Variants in NPAS3 observed in about 807,000 individuals in gnomAD.
The protein encoded by NPAS3 is neuronal PAS domain-containing protein 3.
A neutral mutation model predicts 73.1 loss-of-function variants in NPAS3; 14 were observed. That is an observed-to-expected ratio of 0.19 (90% CI 0.13 to 0.30). The LOEUF (loss-of-function observed/expected upper bound fraction) is 0.30, where lower values mean the gene tolerates loss of function less well. Ranked by LOEUF, NPAS3 falls within the 10% of genes least tolerant of loss-of-function variation. The pLI, the probability that NPAS3 is intolerant of heterozygous loss-of-function variation, is 1.00. For synonymous variants in NPAS3, 620 were observed against 541.5 expected, an observed-to-expected ratio of 1.14 and a Z score of -2.01; for missense variants, 1,096 against 1,250.0, an observed-to-expected ratio of 0.88 and a Z score of 1.86.
chr14:33,240,967 C>A (rs571207530), intron 3 of NPAS3, among the ~76,000 whole-genome samples: 20 of 152,010 alleles, frequency 1.3e-4, no homozygotes, highest in African/African-American at 4.3e-4. Flanking sequence ...CCTCTCCAGA[C>A]CACTAATGAA....
At chr14:33,005,531 G>A (rs1226154639) in intron 1 of NPAS3, among the ~76,000 whole-genome samples, 2 of 152,242 alleles carry the variant, frequency 1.3e-5, no homozygotes, top group Admixed American at 1.3e-4. Flanking sequence ...CCCTGAGATA[G>A]CTGGAACCCC....
intron 2 of NPAS3, among the ~76,000 whole-genome samples, chr14:33,181,904 A>G (rs1455759995): frequency 3.3e-5 from 5 of 152,194 alleles, no homozygotes; most frequent in Non-Finnish European, 7.3e-5. Flanking sequence ...TGCTTTCCAC[A>G]TATTTTGACA....
intron 3 of NPAS3, among the ~76,000 whole-genome samples, chr14:33,298,741 A>C (rs1262120916): frequency 6.6e-6 from 1 of 152,196 alleles, no homozygotes; most frequent in Non-Finnish European, 1.5e-5. Context: ...TTTAATAAAA[A>C]AGTGATATTT....
At chr14:32,941,705 T>C (rs930026590) in intron 1 of NPAS3, among the ~76,000 whole-genome samples, 22 of 152,150 alleles carry the variant, frequency 1.4e-4, no homozygotes, top group Non-Finnish European at 2.4e-4. Flanking sequence ...TGCTGTCATT[T>C]TAAAGGTTGG....
At chr14:33,484,357 G>A (rs1238210627) in intron 4 of NPAS3, among the ~76,000 whole-genome samples, 1 of 152,170 alleles carries the variant, frequency 6.6e-6, no homozygotes, top group East Asian at 1.9e-4. Flanking sequence ...TGAGCATTAA[G>A]TTGATCTATA....
intron 2 of NPAS3, among the ~76,000 whole-genome samples, chr14:33,142,829 C>T (rs988830767): frequency 3.9e-5 from 6 of 152,306 alleles, no homozygotes; most frequent in East Asian, 1.9e-4. Context: ...TACCACTTAG[C>T]GGTGGCTCAC....
chr14:33,046,393 A>G (rs2040506280), intron 1 of NPAS3, among the ~76,000 whole-genome samples: 1 of 152,186 alleles, frequency 6.6e-6, no homozygotes, highest in Non-Finnish European at 1.5e-5. Flanking sequence ...TAGAAAGCCC[A>G]TTTCTGACAG....
At chr14:33,528,193 T>A (rs935833543) in intron 4 of NPAS3, among the ~76,000 whole-genome samples, 4 of 151,962 alleles carry the variant, frequency 2.6e-5, no homozygotes, top group African/African-American at 4.8e-5. Context: ...GAAGAAGGAA[T>A]AGAGACTCCA....
At chr14:33,096,423 TTATC>T (rs527689390) in intron 2 of NPAS3, among the ~76,000 whole-genome samples, 25 of 152,294 alleles carry the variant, frequency 1.6e-4, no homozygotes, top group East Asian at 9.7e-4. Context: ...AAATCATAGT[TTATC>T]TAAGCCAATT....
intron 2 of NPAS3, among the ~76,000 whole-genome samples, chr14:33,171,986 T>A (rs1261991390): frequency 6.6e-6 from 1 of 152,044 alleles, no homozygotes; most frequent in Non-Finnish European, 1.5e-5. Flanking sequence ...GAGGGAGAGA[T>A]GAGAGAGAAG....
intron 3 of NPAS3, among the ~76,000 whole-genome samples, chr14:33,275,904 A>T (rs2041306883): frequency 6.6e-6 from 1 of 152,200 alleles, no homozygotes; most frequent in Non-Finnish European, 1.5e-5. Flanking sequence ...TATGATAAAT[A>T]TATGCTCTAT....
chr14:33,663,761 G>A (rs935344132), intron 5 of NPAS3, among the ~76,000 whole-genome samples: 2 of 152,028 alleles, frequency 1.3e-5, no homozygotes, highest in African/African-American at 2.4e-5. Flanking sequence ...CTTCTTCCTG[G>A]TTTAGTCTTG....
downstream of NPAS3, chr14:33,801,412 T>G: frequency 2.4e-6 from 1 of 412,094 alleles, no homozygotes; most frequent in South Asian, 2.5e-5. Context: ...CATGTGTATA[T>G]GCCTCTGCCA....
intron 2 of NPAS3, among the ~76,000 whole-genome samples, chr14:33,069,587 C>T (rs2041411167): frequency 6.6e-6 from 1 of 152,158 alleles, no homozygotes; most frequent in South Asian, 2.1e-4. Flanking sequence ...CTTAAGCTGC[C>T]TGTTTCCCAC....
intron 3 of NPAS3, among the ~76,000 whole-genome samples, chr14:33,234,410 C>T (rs573414447): frequency 6.6e-6 from 1 of 152,192 alleles, no homozygotes; most frequent in South Asian, 2.1e-4. Flanking sequence ...GAAAGATAAA[C>T]TGTGGTTGCC....
intron 4 of NPAS3, among the ~76,000 whole-genome samples, chr14:33,413,246 C>G (rs2048006502): frequency 6.6e-6 from 1 of 151,660 alleles, no homozygotes; most frequent in Non-Finnish European, 1.5e-5. Context: ...ATTTTTGTTC[C>G]TCTTTTTTTT....
At chr14:33,692,674 A>G (rs1188538548) in intron 6 of NPAS3, among the ~76,000 whole-genome samples, 1 of 152,082 alleles carries the variant, frequency 6.6e-6, no homozygotes, top group Non-Finnish European at 1.5e-5. Context: ...TGAAATCAGG[A>G]AAGTTGCAGG....
Position 33,307,215 on chromosome 14 carries a change from G to A in NPAS3, c.386-59971G>A, listed in dbSNP as rs532288605. Among the ~76,000 whole-genome samples, 40 of 152,218 alleles carry A rather than the reference G, an allele frequency of 2.6e-4. 1 individual carries two copies. The highest frequency in any genetic ancestry group is 1.9e-3 in the Admixed American group (29 of 15,286). Reference sequence around the variant, plus strand: ...ATTATAAGGGAAAAGAGGTTTTTGCGTTGTCTAATGAATACAAATTTTCTG... The same window carrying A: ...ATTATAAGGGAAAAGAGGTTTTTGCATTGTCTAATGAATACAAATTTTCTG... On this transcript the variant is annotated intron_variant, in intron 3 of 11. Transcript: ENST00000356141.
At chr14:33,109,089 T>C (rs2042811367) in intron 2 of NPAS3, among the ~76,000 whole-genome samples, 1 of 152,156 alleles carries the variant, frequency 6.6e-6, no homozygotes, top group Non-Finnish European at 1.5e-5. Context: ...ACACGTTGCC[T>C]GAAACAATTT....
Sources: gnomAD v4.1 joint callset for allele counts (sites outside exome capture counted in the v4.1 genomes callset) on GRCh38, gnomAD v4.1.1 for gene constraint, MANE v1.5 for transcripts, NCBI Gene and HGNC (gene_info 2026-07-23, HGNC 2026-07-21) for gene names.